NCOA3: variants seen among roughly 807,000 people sequenced by gnomAD.
The protein encoded by NCOA3 is nuclear receptor coactivator 3.
In NCOA3, 51 loss-of-function variants were observed where a neutral mutation model predicts 158.8. The ratio of observed to expected loss-of-function variants is 0.32; its 90% confidence interval spans 0.26 to 0.41. NCOA3 has a LOEUF of 0.41. Among genes scored for constraint, NCOA3 ranks in the 10% least tolerant of loss-of-function variants. The probability of loss-of-function intolerance (pLI) is 1.00; values close to 1 mark genes in which losing one functional copy is unlikely to be tolerated. For synonymous variants in NCOA3, 537 were observed against 592.4 expected, an observed-to-expected ratio of 0.91 and a Z score of 1.36; for missense variants, 1,510 against 1,746.6, an observed-to-expected ratio of 0.86 and a Z score of 2.41.
intron 1 of NCOA3, among the ~76,000 whole-genome samples, chr20:47,508,575 T>C (rs1358830172): frequency 2.6e-5 from 4 of 152,224 alleles, no homozygotes; most frequent in Non-Finnish European, 5.9e-5. Flanking sequence ...GTAAATATTC[T>C]TTGCCCTTCT....
chr20:47,521,578 A>G (rs995038514), intron 1 of NCOA3, among the ~76,000 whole-genome samples: 26 of 152,186 alleles, frequency 1.7e-4, no homozygotes, highest in Non-Finnish European at 2.9e-5. Context: ...TTTGGCGGGA[A>G]AAATGGCTGT....
At chr20:47,570,856 G>T (rs933284069) in intron 1 of NCOA3, among the ~76,000 whole-genome samples, 1 of 151,100 alleles carries the variant, frequency 6.6e-6, no homozygotes, top group Non-Finnish European at 1.5e-5. Flanking sequence ...GTTAATGGGC[G>T]TGAAAACAAC....
chr20:47,519,872 C>CT (rs1253372978), intron 1 of NCOA3, among the ~76,000 whole-genome samples: 2 of 151,936 alleles, frequency 1.3e-5, no homozygotes, highest in Admixed American at 6.6e-5. Context: ...AGAGATTCTC[C>CT]TGCCTCAGCC....
chr20:47,596,921 A>G (rs2146252030), intron 2 of NCOA3, among the ~76,000 whole-genome samples: 2 of 152,338 alleles, frequency 1.3e-5, no homozygotes, highest in Non-Finnish European at 2.9e-5. Context: ...AATGTTTTAT[A>G]CATTGTTTCT....
chr20:47,511,550 T>TATATATACACACACACACATACAC, intron 1 of NCOA3, among the ~76,000 whole-genome samples: 11 of 52,270 alleles, frequency 2.1e-4, no homozygotes, highest in South Asian at 9.4e-4. Context: ...TATATATATA[T>TATATATACACACACACACATACAC]ATATATTTCT....
At chr20:47,550,401 G>A (rs1427067295) in intron 1 of NCOA3, among the ~76,000 whole-genome samples, 1 of 139,594 alleles carries the variant, frequency 7.2e-6, no homozygotes, top group Non-Finnish European at 1.5e-5. Flanking sequence ...CTGAGATCGT[G>A]CCATTGCACT....
At chr20:47,534,994 A>G (rs1602361777) in intron 1 of NCOA3, among the ~76,000 whole-genome samples, 1 of 150,182 alleles carries the variant, frequency 6.7e-6, no homozygotes, top group Non-Finnish European at 1.5e-5. Context: ...AATCATTACA[A>G]GGTCTGGCTG....
chr20:47,616,696 A>G (rs530544166), intron 2 of NCOA3, among the ~76,000 whole-genome samples: 4 of 152,186 alleles, frequency 2.6e-5, no homozygotes, highest in Admixed American at 6.5e-5. Flanking sequence ...TCTTCCTTCC[A>G]GTTCTTTTCT....
chr20:47,549,207 A>T (rs2146149478), intron 1 of NCOA3, among the ~76,000 whole-genome samples: 1 of 152,044 alleles, frequency 6.6e-6, no homozygotes, highest in Non-Finnish European at 1.5e-5. Flanking sequence ...CCTATGGAGA[A>T]CATGTATTAA....
chr20:47,508,728 A>G (rs1029923852), intron 1 of NCOA3, among the ~76,000 whole-genome samples: 2 of 152,234 alleles, frequency 1.3e-5, no homozygotes, highest in Non-Finnish European at 1.5e-5. Context: ...TTCAGTTTCA[A>G]AACAGAACTT....
At chr20:47,524,483 G>C (rs1318647721) in intron 1 of NCOA3, among the ~76,000 whole-genome samples, 5 of 152,302 alleles carry the variant, frequency 3.3e-5, no homozygotes, top group African/African-American at 1.2e-4. Flanking sequence ...GCACCAAAAT[G>C]ATACGGCTCT....
chr20:47,652,560 A>G lies in NCOA3; in HGVS notation c.4101A>G (p.Ser1367=). The change falls in exon 21 of 23, where the codon TCA becomes TCG. Residue 1367 remains serine (S), a synonymous_variant. Coordinates refer to ENST00000371998, the MANE Select transcript of NCOA3 (RefSeq NM_181659.3). ...YQSSEMKGWP[S]GNLARNSSFS... is the part of the protein sequence containing the mutation. Reference sequence around the variant, plus strand: ...CCTCAGAAATGAAGGGCTGGCCATCAGGAAATTTGGCCAGGAACAGGTAAA... The same window carrying G: ...CCTCAGAAATGAAGGGCTGGCCATCGGGAAATTTGGCCAGGAACAGGTAAA... 1 of 1,609,382 alleles carries G rather than the reference A, an allele frequency of 6.2e-7. No individual in the cohort carries two copies. Among genetic ancestry groups the G allele is most frequent in the South Asian group, 1.1e-5 (1 of 91,000 alleles).
chr20:47,577,962 A>G (rs1051592098), intron 1 of NCOA3, among the ~76,000 whole-genome samples: 1 of 152,154 alleles, frequency 6.6e-6, no homozygotes, highest in East Asian at 1.9e-4. Context: ...CTAGACATGC[A>G]TATGCTGTAA....
chr20:47,608,179 C>T (rs1265486549), intron 2 of NCOA3, among the ~76,000 whole-genome samples: 6 of 151,988 alleles, frequency 3.9e-5, no homozygotes, highest in Admixed American at 6.6e-5. Context: ...GGCATGGTGG[C>T]GGGCACCTGT....
chr20:47,550,446 G>GAAAAA (rs3091464), intron 1 of NCOA3, among the ~76,000 whole-genome samples: 1 of 117,738 alleles, frequency 8.5e-6, no homozygotes, highest in South Asian at 2.9e-4. Flanking sequence ...CTCCGTCTCA[G>GAAAAA]AAAAAAAAAA....
At chr20:47,570,386 A>G (rs1303354382) in intron 1 of NCOA3, among the ~76,000 whole-genome samples, 2 of 152,200 alleles carry the variant, frequency 1.3e-5, no homozygotes, top group East Asian at 3.9e-4. Flanking sequence ...GGCCTCAGTG[A>G]GCTGTGGTAC....
intron 4 of NCOA3, among the ~76,000 whole-genome samples, chr20:47,624,589 C>G (rs1320388005): frequency 1.3e-5 from 2 of 152,088 alleles, no homozygotes; most frequent in East Asian, 3.9e-4. Context: ...CTGTGCAGCC[C>G]CATTCCTAAC....
intron 1 of NCOA3, among the ~76,000 whole-genome samples, chr20:47,530,807 G>A (rs2084532855): frequency 6.6e-6 from 1 of 152,076 alleles, no homozygotes; most frequent in South Asian, 2.1e-4. Context: ...CTTTTAAAAT[G>A]TCAGTAGACT....
chr20:47,641,780 C>G (rs1164184400), intron 16 of NCOA3, among the ~76,000 whole-genome samples: 4 of 152,090 alleles, frequency 2.6e-5, no homozygotes, highest in Non-Finnish European at 5.9e-5. Flanking sequence ...CAGGCTTGAG[C>G]CACTGCGCCT....
Sources: allele counts gnomAD v4.1 joint callset (sites outside exome capture counted in the v4.1 genomes callset), GRCh38; gene constraint gnomAD v4.1.1; transcripts MANE v1.5; gene names NCBI Gene and HGNC (gene_info 2026-07-23, HGNC 2026-07-21).